Variants in OR1A1 observed in about 807,000 individuals in gnomAD.
The protein encoded by OR1A1 is olfactory receptor family 1 subfamily A member 1, also known as olfactory receptor 1A1.
For synonymous variants in OR1A1, 145 were observed against 147.8 expected (o/e 0.98, Z 0.13); for missense variants, 391 against 379.9 (o/e 1.03, Z -0.24).
intron 3 of OR1A1, chr17:3,214,854 GA>G (rs943815034): frequency 7.0e-6 from 1 of 143,370 alleles, no homozygotes; most frequent in South Asian, 2.3e-4. Flanking sequence ...GCCAAAGAGA[GA>G]AAAAAAACCA....
chr17:3,216,310 C>A lies in OR1A1; in HGVS notation c.690C>A (p.Thr230=). 1.2e-6 allele frequency: 2 copies of A among 1,614,186 alleles called. No individual in the cohort carries two copies. Among genetic ancestry groups the A allele is most frequent in the Non-Finnish European group, 1.7e-6 (2 of 1,180,024 alleles). Residue 230 remains threonine (T), a synonymous_variant, in exon 4 of 4, where the codon ACC becomes ACA. Coordinates refer to ENST00000641732, the MANE Select transcript of OR1A1 (RefSeq NM_014565.3). ...VFSTVFQVPS[T]KGVLKAFSTC... Reference sequence around the variant, plus strand: ...CCACAGTCTTCCAGGTTCCTTCCACCAAGGGCGTGCTCAAGGCCTTCTCCA... The same window carrying A: ...CCACAGTCTTCCAGGTTCCTTCCACAAAGGGCGTGCTCAAGGCCTTCTCCA...
intron 1 of OR1A1, among the ~76,000 whole-genome samples, chr17:3,208,286 C>T (rs4790124): frequency 0.25 from 38,022 of 151,898 alleles, 5,568 homozygotes; most frequent in East Asian, 0.57. Context: ...AAAGATAATT[C>T]TGATTTGCTT....
intron 2 of OR1A1, 84 bp from the exon 3 acceptor site, chr17:3,212,383 C>A (rs568965492): frequency 2.6e-5 from 4 of 151,590 alleles, no homozygotes; most frequent in African/African-American, 4.8e-5. Context: ...ATTCCTATTT[C>A]TTTCTTTTAG....
rs947009813 is a variant in OR1A1, at chr17:3,212,614, T to C, written c.-6+15T>C. ...TGACACCTGAGGTATTATGATTCTA[T>C]TTGAAGAAGGGGGAGGGCATCTCAA... is the stretch of plus-strand genomic sequence containing the variant. On this transcript the variant is annotated intron_variant, in intron 3 of 3. Coordinates refer to ENST00000641732, the MANE Select transcript of OR1A1 (RefSeq NM_014565.3). 5 of 152,144 alleles carry C rather than the reference T, an allele frequency of 3.3e-5. No homozygotes were observed. Among genetic ancestry groups the C allele is most frequent in the African/African-American group, 1.2e-4 (5 of 41,444 alleles). 9.4% of individuals were successfully genotyped at this position (152,144 alleles called of 1,614,324 possible).
At chr17:3,208,101 C>A (rs574207093) in intron 1 of OR1A1, 101 bp downstream of exon 1, 1 of 152,218 alleles carries the variant, frequency 6.6e-6, no homozygotes, top group African/African-American at 2.4e-5. Flanking sequence ...GAACTCAAAT[C>A]TTGGCCTGGC....
intron 2 of OR1A1, among the ~76,000 whole-genome samples, chr17:3,210,130 T>G (rs1175155911): frequency 2.0e-5 from 3 of 150,922 alleles, no homozygotes; most frequent in Non-Finnish European, 2.9e-5. Flanking sequence ...CATATGACAA[T>G]GCACATGTGC....
intron 2 of OR1A1, among the ~76,000 whole-genome samples, chr17:3,209,498 A>T (rs1315847059): frequency 6.6e-6 from 1 of 152,134 alleles, no homozygotes; most frequent in African/African-American, 2.4e-5. Flanking sequence ...TTTTTAAAAA[A>T]TTTTTGTGGG....
At chr17:3,210,878 T>C (rs866109128) in intron 2 of OR1A1, among the ~76,000 whole-genome samples, 1 of 152,184 alleles carries the variant, frequency 6.6e-6, no homozygotes, top group Non-Finnish European at 1.5e-5. Context: ...AGTGCTGGGA[T>C]TACAGGTGTG....
In OR1A1 at chr17:3,218,271, A is replaced by G. The variant is rs1483247982; in HGVS notation, c.*1721A>G. 6.6e-6 allele frequency: 1 copy of G among 152,178 alleles called. No individual in the cohort carries two copies. The highest frequency in any genetic ancestry group is 1.5e-5 in the Non-Finnish European group (1 of 68,036). The allele number at this position is 152,178 out of a possible 1,614,324, so 9.4% of individuals were successfully genotyped here. A position where few individuals can be genotyped will look rare whatever the true frequency, so the allele number is the denominator to read the frequency against. ...GATCATTAAAAAGTAAGGAAACAAC[A>G]TATGCTGGAGAGGATGTGGAGAAAT... On this transcript the variant is annotated 3_prime_UTR_variant, in exon 4 of 4. Transcript: ENST00000641732.
In OR1A1 at chr17:3,207,687, CT is replaced by C. The variant is rs1165495801; in HGVS notation, c.-869del. ...AGCTCCTCTTGTCCCTTCGGCTCCC[CT>C]GTTGGGAAACTGGGGACTCCTCCTT... On this transcript the variant is annotated 5_prime_UTR_variant, in exon 1 of 4. Coordinates refer to ENST00000641732, the MANE Select transcript of OR1A1 (RefSeq NM_014565.3). 5.3e-5 allele frequency: 8 copies of C among 152,330 alleles called. No homozygotes were observed. Among genetic ancestry groups the C allele is most frequent in the Admixed American group, 3.9e-4 (6 of 15,282 alleles). 9.4% of individuals were successfully genotyped at this position (152,330 alleles called of 1,614,324 possible).
At chr17:3,211,082 T>C (rs1486389459) in intron 2 of OR1A1, among the ~76,000 whole-genome samples, 1 of 152,214 alleles carries the variant, frequency 6.6e-6, no homozygotes, top group African/African-American at 2.4e-5. Flanking sequence ...CCAATGACTC[T>C]GGGCTAAATA....
At chr17:3,209,078 T>C (rs983413022) in intron 2 of OR1A1, 80 bp downstream of exon 2, 2 of 152,290 alleles carry the variant, frequency 1.3e-5, no homozygotes, top group African/African-American at 4.8e-5. Context: ...AGGTGGTATT[T>C]GGTTACATGA....
Position 3,208,708 on chromosome 17 carries a change from C to G in OR1A1, c.-429C>G, listed in dbSNP as rs9913584. On this transcript the variant is annotated 5_prime_UTR_variant, in exon 2 of 4. Transcript: ENST00000641732. ...GTCATCCCAGTGAACTCAAGGCCCG[C>G]TACGTCTCCAGCATGCATGTTGAGG... 0.5 allele frequency: 75,673 copies of G among 151,746 alleles called. 19,356 individuals are homozygous for G. Among genetic ancestry groups the G allele is most frequent in the Middle Eastern group, 0.6 (176 of 294 alleles). 9.4% of individuals were successfully genotyped at this position (151,746 alleles called of 1,614,324 possible).
intron 2 of OR1A1, among the ~76,000 whole-genome samples, 184 bp from the exon 3 acceptor site, chr17:3,212,283 T>G (rs1021050378): frequency 2.0e-5 from 3 of 152,208 alleles, no homozygotes; most frequent in African/African-American, 7.2e-5. Flanking sequence ...CTAGCTAATG[T>G]CTGAATGGAG....
At chr17:3,209,241 A>G (rs1304549865) in intron 2 of OR1A1, among the ~76,000 whole-genome samples, 1 of 151,578 alleles carries the variant, frequency 6.6e-6, no homozygotes, top group Non-Finnish European at 1.5e-5. Context: ...ATGCCTTTGC[A>G]TCCTCATAGC....
intron 3 of OR1A1, chr17:3,213,707 C>T (rs904374266): frequency 1.3e-5 from 2 of 152,162 alleles, no homozygotes; most frequent in African/African-American, 4.8e-5. Context: ...TCCTGTTCAG[C>T]CTCCTCTCCA....
intron 2 of OR1A1, among the ~76,000 whole-genome samples, chr17:3,210,045 G>A (rs972493572): frequency 2.0e-5 from 3 of 147,276 alleles, no homozygotes; most frequent in African/African-American, 4.9e-5. Flanking sequence ...TTTAACTATT[G>A]CATAGGATTC....
Position 3,216,196 on chromosome 17 carries a change from C to G in OR1A1, c.576C>G (p.Ile192Met). 2 of 1,614,170 alleles carry G rather than the reference C, an allele frequency of 1.2e-6. No homozygotes were observed. Residue 192 changes from isoleucine to methionine, a missense_variant, in exon 4 of 4, where the codon ATC becomes ATG. Ile to Met is a conservative substitution (Grantham distance 10). Transcript: ENST00000641732. ...TGCTGAAGTTATCCTGTTCTGACAT[C>G]CACTTTCATGTGAAGATGATGTACC... is the stretch of plus-strand genomic sequence containing the variant. ...TPLLKLSCSD[I>M]HFHVKMMYLG...
At chr17:3,211,757 G>A (rs1285921729) in intron 2 of OR1A1, among the ~76,000 whole-genome samples, 1 of 151,948 alleles carries the variant, frequency 6.6e-6, no homozygotes, top group East Asian at 1.9e-4. Flanking sequence ...ACAATATTGA[G>A]GCTTCCATTA....
Sources: allele counts gnomAD v4.1 joint callset (sites outside exome capture counted in the v4.1 genomes callset), GRCh38; gene constraint gnomAD v4.1.1; transcripts MANE v1.5; gene names NCBI Gene and HGNC (gene_info 2026-07-23, HGNC 2026-07-21).